ARL15: variants seen among roughly 807,000 people sequenced by gnomAD.
The protein encoded by ARL15 is ARF like GTPase 15.
In ARL15, 19 loss-of-function variants were observed where a neutral mutation model predicts 25.2. That is an observed-to-expected ratio of 0.75 (90% CI 0.53 to 1.10). ARL15 has a LOEUF of 1.10. Ranked by LOEUF, ARL15 falls within the 50% of genes least tolerant of loss-of-function variation. The pLI, the probability that ARL15 is intolerant of heterozygous loss-of-function variation, is 0.00. For synonymous variants in ARL15, 94 were observed against 86.8 expected (o/e 1.08, Z -0.46); for missense variants, 220 against 246.0 (o/e 0.89, Z 0.71).
chr5:53,952,269 A>AAAAC (rs1441527856), intron 4 of ARL15, among the ~76,000 whole-genome samples: 1 of 152,186 alleles, frequency 6.6e-6, no homozygotes, highest in Non-Finnish European at 1.5e-5. Context: ...CTCAAAAATA[A>AAAAC]AAACAAACAA....
chr5:54,269,625 A>G (rs977972411), intron 1 of ARL15, among the ~76,000 whole-genome samples: 1 of 152,148 alleles, frequency 6.6e-6, no homozygotes, highest in South Asian at 2.1e-4. Flanking sequence ...TTTACACAAC[A>G]TAGAGGATTT....
chr5:54,150,756 C>T (rs138090474), intron 3 of ARL15, among the ~76,000 whole-genome samples: 15,676 of 151,768 alleles, frequency 0.1, 1,019 homozygotes, highest in Non-Finnish European at 0.15. Context: ...CGAGATTGCA[C>T]CACTGCATTC....
intron 3 of ARL15, among the ~76,000 whole-genome samples, chr5:54,151,399 C>G (rs1754066184): frequency 6.6e-6 from 1 of 151,940 alleles, no homozygotes; most frequent in Non-Finnish European, 1.5e-5. Flanking sequence ...TCCTATTTCT[C>G]TTTTCATGAA....
intron 3 of ARL15, among the ~76,000 whole-genome samples, chr5:54,114,418 A>AAAAAAAAAAAAAAAAAAAAC (rs1432474611): frequency 6.8e-6 from 1 of 148,124 alleles, no homozygotes; most frequent in Non-Finnish European, 1.5e-5. Context: ...AAAAAAAAAA[A>AAAAAAAAAAAAAAAAAAAAC]AAAAGCAACA....
At position 54,029,579 on chromosome 5, in the gene ARL15, C is replaced by G. The variant is rs987042307; in HGVS notation, c.462+83623G>C. Among the ~76,000 whole-genome samples, 100 of 152,096 alleles carry G rather than the reference C, an allele frequency of 6.6e-4. 1 individual carries two copies. The highest frequency in any genetic ancestry group is 2.2e-3 in the African/African-American group (93 of 41,408). On this transcript the variant is annotated intron_variant, in intron 4 of 4. Transcript: ENST00000504924. The stretch of plus-strand genomic sequence containing the variant: ...TATTCAAAAGGCTTCTGAAAGTAGG[C>G]CGGGCATGGTGACTCTTGCCTGTAA...
At chr5:53,910,623 T>TA (rs201042973) in intron 4 of ARL15, among the ~76,000 whole-genome samples, 29,123 of 60,378 alleles carry the variant, frequency 0.48, 6,903 homozygotes, top group Non-Finnish European at 0.5. Flanking sequence ...TAAAGTATAA[T>TA]AAAAAAAAAT....
At chr5:54,102,442 A>G (rs1752467826) in intron 4 of ARL15, among the ~76,000 whole-genome samples, 1 of 152,148 alleles carries the variant, frequency 6.6e-6, no homozygotes, top group Non-Finnish European at 1.5e-5. Flanking sequence ...ATTTATCTGG[A>G]CACAGTGATT....
At chr5:54,012,867 G>A (rs1278855038) in intron 4 of ARL15, among the ~76,000 whole-genome samples, 4 of 138,214 alleles carry the variant, frequency 2.9e-5, no homozygotes, top group Non-Finnish European at 4.6e-5. Flanking sequence ...CGCCAAGGCC[G>A]GAGTGCAGTA....
chr5:54,180,100 C>T (rs555096521), intron 1 of ARL15, among the ~76,000 whole-genome samples: 2 of 151,280 alleles, frequency 1.3e-5, no homozygotes, highest in African/African-American at 4.9e-5. Context: ...AAAAAAATCT[C>T]TTTTGAAACA....
At chr5:53,926,376 G>C (rs73757126) in intron 4 of ARL15, among the ~76,000 whole-genome samples, 11,724 of 151,122 alleles carry the variant, frequency 0.078, 681 homozygotes, top group East Asian at 0.33. Context: ...CTAGTGGGAA[G>C]ATGAAGCCAT....
intron 1 of ARL15, among the ~76,000 whole-genome samples, chr5:54,181,720 G>A (rs924237076): frequency 6.6e-6 from 1 of 152,162 alleles, no homozygotes; most frequent in Non-Finnish European, 1.5e-5. Context: ...GATCACTTGA[G>A]GCTAGGAGTT....
chr5:53,954,550 C>G (rs1461416345), intron 4 of ARL15, among the ~76,000 whole-genome samples: 1 of 152,206 alleles, frequency 6.6e-6, no homozygotes. Context: ...TGCCACAGAA[C>G]AGTTTCCTTT....
At chr5:54,076,967 G>C (rs559106972) in intron 4 of ARL15, among the ~76,000 whole-genome samples, 1 of 152,236 alleles carries the variant, frequency 6.6e-6, no homozygotes, top group East Asian at 1.9e-4. Flanking sequence ...AAGGAGTGGT[G>C]ACTTCTTATT....
intron 1 of ARL15, 39 bp downstream of exon 1, chr5:54,310,393 G>C (rs1249152807): frequency 6.9e-6 from 11 of 1,596,138 alleles, no homozygotes; most frequent in Non-Finnish European, 7.7e-6. Context: ...GGCACGCCGA[G>C]ATCCGAGAGG....
At position 53,936,942 on chromosome 5, in the gene ARL15, A is replaced by G. The variant is rs73110858; in HGVS notation, c.463-50229T>C. The stretch of plus-strand genomic sequence containing the variant: ...ATGCTGCTAATCAAATCCAAACCAA[A>G]TAAGGATAGAAACTGTTCCTCCTTT... On this transcript the variant is annotated intron_variant, in intron 4 of 4. Coordinates refer to ENST00000504924, the MANE Select transcript of ARL15 (RefSeq NM_019087.3). Among the ~76,000 whole-genome samples the G allele has an allele frequency of 1.1e-4, 16 of 152,346 alleles. 1 individual carries two copies. Among genetic ancestry groups the G allele is most frequent in the African/African-American group, 3.8e-4 (16 of 41,590 alleles).
At chr5:53,959,521 T>C (rs1480951500) in intron 4 of ARL15, among the ~76,000 whole-genome samples, 1 of 152,180 alleles carries the variant, frequency 6.6e-6, no homozygotes, top group Non-Finnish European at 1.5e-5. Context: ...AAATTTTATG[T>C]AGAAGATATG....
chr5:54,066,434 T>C (rs1221705895), intron 4 of ARL15, among the ~76,000 whole-genome samples: 1 of 152,184 alleles, frequency 6.6e-6, no homozygotes, highest in Non-Finnish European at 1.5e-5. Context: ...AGATGTTATA[T>C]AGCATGAACA....
At chr5:54,218,133 C>T (rs1756265945) in intron 1 of ARL15, among the ~76,000 whole-genome samples, 1 of 152,100 alleles carries the variant, frequency 6.6e-6, no homozygotes, top group Non-Finnish European at 1.5e-5. Context: ...GTGTCTGACC[C>T]AAGGAAGACT....
At chr5:54,013,092 G>A (rs111892871) in intron 4 of ARL15, among the ~76,000 whole-genome samples, 18,172 of 152,120 alleles carry the variant, frequency 0.12, 1,526 homozygotes, top group African/African-American at 0.23. Context: ...GAGCCACCAC[G>A]CCCGGACTTC....
Sources: gnomAD v4.1 joint callset for allele counts (sites outside exome capture counted in the v4.1 genomes callset) on GRCh38, gnomAD v4.1.1 for gene constraint, MANE v1.5 for transcripts, NCBI Gene and HGNC (gene_info 2026-07-23, HGNC 2026-07-21) for gene names.